NLGN1: variants seen among roughly 807,000 people sequenced by gnomAD.
NLGN1 encodes neuroligin 1.
Under a neutral mutation model 65.5 loss-of-function variants are expected in NLGN1, and 12 were observed. The ratio of observed to expected loss-of-function variants is 0.18; its 90% CI spans 0.12 to 0.30. The LOEUF (loss-of-function observed/expected upper bound fraction) is 0.30. Among genes scored for constraint, NLGN1 ranks in the 10% least tolerant of loss-of-function variants. The pLI is 1.00. For synonymous variants in NLGN1, 350 were observed against 359.5 expected (o/e 0.97, Z 0.30); for missense variants, 750 against 1,007.1 (o/e 0.74, Z 3.46).
intron 3 of NLGN1, among the ~76,000 whole-genome samples, chr3:173,671,840 ATGCAGAATGAGTACTTCG>A (rs1444521087): frequency 6.6e-6 from 1 of 152,210 alleles, no homozygotes; most frequent in Non-Finnish European, 1.5e-5. Context: ...GTTATTTTTA[ATGCAGAATGAGTACTTCG>A]TGCTCATAAG....
chr3:173,756,494 C>T (rs577579757), intron 3 of NLGN1, among the ~76,000 whole-genome samples: 4 of 151,626 alleles, frequency 2.6e-5, no homozygotes, highest in Admixed American at 6.6e-5. Context: ...ATGAATTCTT[C>T]AGTACATGTG....
At chr3:174,218,885 T>A (rs1160071585) in intron 4 of NLGN1, among the ~76,000 whole-genome samples, 1 of 152,082 alleles carries the variant, frequency 6.6e-6, no homozygotes, top group Admixed American at 6.6e-5. Context: ...TTTCCCAAAG[T>A]GGGAGGATTG....
At chr3:173,404,812 TTTAA>T (rs1318716066) in intron 1 of NLGN1, among the ~76,000 whole-genome samples, 1 of 152,114 alleles carries the variant, frequency 6.6e-6, no homozygotes, top group Non-Finnish European at 1.5e-5. Flanking sequence ...GAGTTAAATG[TTTAA>T]TTATATTTAA....
At chr3:174,067,049 TA>T (rs1371000033) in intron 4 of NLGN1, among the ~76,000 whole-genome samples, 2 of 152,150 alleles carry the variant, frequency 1.3e-5, no homozygotes, top group African/African-American at 2.4e-5. Context: ...ATAAACCTCA[TA>T]AATATTTCAC....
chr3:174,289,315 T>G (rs1290843368), downstream of NLGN1, among the ~76,000 whole-genome samples: 1 of 151,416 alleles, frequency 6.6e-6, no homozygotes, highest in Non-Finnish European at 1.5e-5. Flanking sequence ...AGATTATTAT[T>G]AAGCATCTAT....
intron 3 of NLGN1, among the ~76,000 whole-genome samples, chr3:173,676,119 T>G (rs143171341): frequency 1.8e-3 from 275 of 152,080 alleles, no homozygotes; most frequent in Middle Eastern, 6.8e-3. Flanking sequence ...ATAAAAAAGT[T>G]AATAATAATA....
At chr3:174,010,590 C>A (rs1004482815) in intron 4 of NLGN1, among the ~76,000 whole-genome samples, 1 of 152,100 alleles carries the variant, frequency 6.6e-6, no homozygotes, top group Non-Finnish European at 1.5e-5. Context: ...ATATGTTCTA[C>A]ATATAGACAC....
intron 4 of NLGN1, among the ~76,000 whole-genome samples, chr3:174,144,044 C>T (rs1476240433): frequency 6.6e-6 from 1 of 152,088 alleles, no homozygotes; most frequent in Admixed American, 6.6e-5. Flanking sequence ...TTAAGTATTT[C>T]TCCTAATGCT....
intron 2 of NLGN1, among the ~76,000 whole-genome samples, chr3:173,584,279 A>G (rs543815230): frequency 2.0e-5 from 3 of 150,340 alleles, no homozygotes; most frequent in East Asian, 1.9e-4. Context: ...AGGGGATGGG[A>G]AAAAAAAGTG....
At chr3:174,034,690 TAAACTA>T (rs1730749520) in intron 4 of NLGN1, among the ~76,000 whole-genome samples, 1 of 152,022 alleles carries the variant, frequency 6.6e-6, no homozygotes, top group Non-Finnish European at 1.5e-5. Flanking sequence ...ATATAGTTGA[TAAACTA>T]AAAGAGGAGA....
chr3:174,251,111 C>G (rs956489436), intron 4 of NLGN1, among the ~76,000 whole-genome samples: 1 of 151,966 alleles, frequency 6.6e-6, no homozygotes, highest in Non-Finnish European at 1.5e-5. Flanking sequence ...CAAAAGGAAA[C>G]TATGTACAAA....
chr3:173,812,458 T>A (rs2150480692), intron 4 of NLGN1, among the ~76,000 whole-genome samples: 1 of 152,238 alleles, frequency 6.6e-6, no homozygotes, highest in Non-Finnish European at 1.5e-5. Flanking sequence ...CCAGGCGTGG[T>A]GGTGCATGCC....
At chr3:173,983,425 A>T (rs961184599) in intron 4 of NLGN1, among the ~76,000 whole-genome samples, 3 of 152,298 alleles carry the variant, frequency 2.0e-5, no homozygotes, top group Non-Finnish European at 1.5e-5. Flanking sequence ...CAGACACCCA[A>T]AGGATTAGTG....
At chr3:174,172,239 A>C (rs1176513567) in intron 4 of NLGN1, among the ~76,000 whole-genome samples, 1 of 152,100 alleles carries the variant, frequency 6.6e-6, no homozygotes, top group South Asian at 2.1e-4. Context: ...CATAATAATC[A>C]CATTGGGGTG....
intron 4 of NLGN1, among the ~76,000 whole-genome samples, chr3:174,064,810 A>G (rs1738157177): frequency 6.6e-6 from 1 of 150,606 alleles, no homozygotes; most frequent in Admixed American, 6.6e-5. Context: ...TTCAGAGTAA[A>G]AAAAGAAATA....
chr3:174,100,799 G>A (rs1238172469), intron 4 of NLGN1, among the ~76,000 whole-genome samples: 2 of 151,844 alleles, frequency 1.3e-5, no homozygotes, highest in Non-Finnish European at 2.9e-5. Context: ...CCCCTTCTAA[G>A]TAAAGTGACC....
At chr3:174,236,487 TC>T (rs1741738623) in intron 4 of NLGN1, among the ~76,000 whole-genome samples, 1 of 152,066 alleles carries the variant, frequency 6.6e-6, no homozygotes, top group Admixed American at 6.6e-5. Context: ...ACAACTATTT[TC>T]ATTGTAGATT....
intron 3 of NLGN1, among the ~76,000 whole-genome samples, chr3:173,784,494 T>C (rs1001702940): frequency 1.3e-5 from 2 of 152,076 alleles, no homozygotes; most frequent in South Asian, 2.1e-4. Flanking sequence ...ATGATTCTTA[T>C]ATAAATAGGA....
intron 2 of NLGN1, among the ~76,000 whole-genome samples, chr3:173,441,676 A>G (rs76296265): frequency 0.016 from 2,442 of 152,278 alleles, 59 homozygotes; most frequent in African/African-American, 0.055. Flanking sequence ...AACATCAAAG[A>G]TCACTGATCA....
Sources: allele counts gnomAD v4.1 joint callset (sites outside exome capture counted in the v4.1 genomes callset), GRCh38; gene constraint gnomAD v4.1.1; transcripts MANE v1.5; gene names NCBI Gene and HGNC (gene_info 2026-07-23, HGNC 2026-07-21).